The following LRRC55 variants were observed in gnomAD, a reference collection of about 807,000 sequenced individuals.
LRRC55 encodes leucine rich repeat containing 55, also known as leucine-rich repeat-containing protein 55.
Under a neutral mutation model 20.5 loss-of-function variants are expected in LRRC55, and 11 were observed. The ratio of observed to expected loss-of-function variants is 0.54; its 90% confidence interval spans 0.34 to 0.89. The LOEUF (loss-of-function observed/expected upper bound fraction) is 0.89. Among genes scored for constraint, LRRC55 ranks in the 40% least tolerant of loss-of-function variants. LRRC55 has a pLI of 0.02. For synonymous variants in LRRC55, 188 were observed against 166.6 expected (o/e 1.13, Z -0.99); for missense variants, 358 against 390.9 (o/e 0.92, Z 0.71).
rs1340124902 is a variant in LRRC55, at chr11:57,189,164, T to C, written c.*1684T>C. On this transcript the variant is annotated 3_prime_UTR_variant, in exon 2 of 2. Coordinates refer to ENST00000497933, the MANE Select transcript of LRRC55 (RefSeq NM_001005210.4). The stretch of plus-strand genomic sequence containing the variant: ...ACTTTTCACATCCCTGTGCAGGAGG[T>C]AAATCAAACATCAGTAATCCTGTTT... 6.6e-6 allele frequency: 1 copy of C among 152,182 alleles called. No individual in the cohort carries two copies. Among genetic ancestry groups the C allele is most frequent in the Non-Finnish European group, 1.5e-5 (1 of 68,030 alleles). 9.4% of individuals were successfully genotyped at this position (152,182 alleles called of 1,614,324 possible).
In LRRC55 at chr11:57,191,179, TG is replaced by T. The variant is rs1854505631; in HGVS notation, c.*3700del. Reference sequence around the variant, plus strand: ...TCCTAGAGGAATTCCCAGGGAACTTTGCAGAAATAGGTCTCCAGAGTTGCTA... The same window carrying T: ...TCCTAGAGGAATTCCCAGGGAACTTTCAGAAATAGGTCTCCAGAGTTGCTA... On this transcript the variant is annotated 3_prime_UTR_variant, in exon 2 of 2. Coordinates refer to ENST00000497933, the MANE Select transcript of LRRC55 (RefSeq NM_001005210.4). The T allele has an allele frequency of 6.6e-6, 1 of 152,298 alleles. No individual in the cohort carries two copies. Among genetic ancestry groups the T allele is most frequent in the East Asian group, 1.9e-4 (1 of 5,180 alleles). 9.4% of individuals were successfully genotyped at this position (152,298 alleles called of 1,614,324 possible).
Position 57,188,277 on chromosome 11 carries a change from G to A in LRRC55, c.*797G>A, listed in dbSNP as rs1378337210. 6.5e-6 allele frequency: 1 copy of A among 152,680 alleles called. No individual in the cohort carries two copies. Among genetic ancestry groups the A allele is most frequent in the East Asian group, 1.9e-4 (1 of 5,184 alleles). 9.5% of individuals were successfully genotyped at this position (152,680 alleles called of 1,614,324 possible). On this transcript the variant is annotated 3_prime_UTR_variant, in exon 2 of 2. Transcript: ENST00000497933. ...TCAGAAGAGAGAGGCAGGAGGCCCA[G>A]CAACTGGGGCAGCAAGAGTCCTGGC...
intron 1 of LRRC55, among the ~76,000 whole-genome samples, chr11:57,184,881 C>T (rs538845052): frequency 6.6e-6 from 1 of 152,312 alleles, no homozygotes; most frequent in South Asian, 2.1e-4. Context: ...CTCACTGTCT[C>T]ACCAGTACCC....
chr11:57,185,525 TCCACCC>T (rs1407748582), intron 1 of LRRC55, among the ~76,000 whole-genome samples: 1 of 44,902 alleles, frequency 2.2e-5, no homozygotes, highest in East Asian at 3.4e-4. Flanking sequence ...ATGATCCACC[TCCACCC>T]GCCTTGGCTT....
chr11:57,185,892 G>A (rs1246904696), intron 1 of LRRC55, among the ~76,000 whole-genome samples: 1 of 151,870 alleles, frequency 6.6e-6, no homozygotes, highest in Non-Finnish European at 1.5e-5. Flanking sequence ...ACCAGAAAAA[G>A]CAGCCCCCTC....
chr11:57,184,981 C>T (rs888574654), intron 1 of LRRC55, among the ~76,000 whole-genome samples: 4 of 152,202 alleles, frequency 2.6e-5, no homozygotes, highest in African/African-American at 9.6e-5. Flanking sequence ...GGATCCTGGC[C>T]TGGGCAGGAC....
At chr11:57,185,676 C>T (rs1169105323) in intron 1 of LRRC55, among the ~76,000 whole-genome samples, 2 of 152,034 alleles carry the variant, frequency 1.3e-5, no homozygotes, top group African/African-American at 4.8e-5. Flanking sequence ...AAGGTAAGAG[C>T]TTGATTAATA....
At chr11:57,186,819 A>C (rs1253029451) in intron 1 of LRRC55, among the ~76,000 whole-genome samples, 6 of 152,194 alleles carry the variant, frequency 3.9e-5, no homozygotes, top group Non-Finnish European at 7.3e-5. Flanking sequence ...GTTTAAGTAG[A>C]GAAGGTGTGG....
rs538373178 is a variant in LRRC55, at chr11:57,190,082, C to T, written c.*2602C>T. 2 of 152,182 alleles carry T rather than the reference C, an allele frequency of 1.3e-5. No individual in the cohort carries two copies. The highest frequency in any genetic ancestry group is 2.9e-5 in the Non-Finnish European group (2 of 68,046). The allele number at this position is 152,182 out of a possible 1,614,324, so 9.4% of individuals were successfully genotyped here. A position where few individuals can be genotyped will look rare whatever the true frequency, so the allele number is the denominator to read the frequency against. On this transcript the variant is annotated 3_prime_UTR_variant, in exon 2 of 2. Transcript: ENST00000497933. ...AGCAACCTAAATACTTGGAGAGGAACTTTTAGAAACTATAATCCTGACAAA... is the reference window on the plus strand; with the variant it reads ...AGCAACCTAAATACTTGGAGAGGAATTTTTAGAAACTATAATCCTGACAAA...
intron 1 of LRRC55, among the ~76,000 whole-genome samples, chr11:57,185,270 CTTTTTTTTTTTTTT>C (rs58800728): frequency 2.0e-4 from 18 of 89,436 alleles, no homozygotes; most frequent in African/African-American, 8.8e-4. Context: ...CTTTTCTTTT[CTTTTTTTTTTTTTT>C]TTTTTTTTTT....
rs142063267 is a variant in LRRC55, at chr11:57,188,013, C to G, written c.*533C>G. 1,267 of 160,780 alleles carry G rather than the reference C, an allele frequency of 7.9e-3. 20 individuals carry two copies. Among genetic ancestry groups the G allele is most frequent in the East Asian group, 0.05 (261 of 5,214 alleles). 10.0% of individuals were successfully genotyped at this position (160,780 alleles called of 1,614,324 possible). ...GGGTGTGGCACAGAACTCAAACCTA[C>G]CCCTCACCTCCTGACACCAAAACTG... On this transcript the variant is annotated 3_prime_UTR_variant, in exon 2 of 2. Transcript: ENST00000497933.
rs1281728539 is a variant in LRRC55, at chr11:57,182,030, A to C, written c.8A>C (p.Asp3Ala). 1.9e-6 allele frequency: 3 copies of C among 1,614,108 alleles called. No individual in the cohort carries two copies. The Admixed American group carries it at 5.0e-5, about 27-fold the overall frequency. The change falls in exon 1 of 2, where the codon GAC becomes GCC. Residue 3 changes from aspartate to alanine, a missense_variant. Transcript: ENST00000497933. ...TGTTGCCTGCTGCCTAAGATGGGTG[A>C]CACTTGGGCCCAGCTTCCCTGGCCC... MG[D>A]TWAQLPWPGP...
At chr11:57,185,800 C>T (rs558551227) in intron 1 of LRRC55, among the ~76,000 whole-genome samples, 2 of 152,040 alleles carry the variant, frequency 1.3e-5, no homozygotes, top group East Asian at 3.9e-4. Context: ...GAGATAAGAC[C>T]GTTGACAGCC....
intron 1 of LRRC55, among the ~76,000 whole-genome samples, chr11:57,185,270 C>CTTCT: frequency 1.1e-5 from 1 of 89,436 alleles, no homozygotes; most frequent in East Asian, 3.3e-4. Flanking sequence ...CTTTTCTTTT[C>CTTCT]TTTTTTTTTT....
Position 57,189,042 on chromosome 11 carries a change from G to A in LRRC55, c.*1562G>A, listed in dbSNP as rs2903267. 0.52 allele frequency: 79,229 copies of A among 151,976 alleles called. 21,721 individuals are homozygous for A. Among genetic ancestry groups the A allele is most frequent in the East Asian group, 0.75 (3,873 of 5,166 alleles). 9.4% of individuals were successfully genotyped at this position (151,976 alleles called of 1,614,324 possible). Reference sequence around the variant, plus strand: ...CGAGCAAAGCACAATTATCATCATCGTGGTCTTCTTCATCAGTTTCGTCAG... The same window carrying A: ...CGAGCAAAGCACAATTATCATCATCATGGTCTTCTTCATCAGTTTCGTCAG... On this transcript the variant is annotated 3_prime_UTR_variant, in exon 2 of 2. Coordinates refer to ENST00000497933, the MANE Select transcript of LRRC55 (RefSeq NM_001005210.4).
At chr11:57,182,769 G>C (rs1162426450) in intron 1 of LRRC55, 86 bp downstream of exon 1, 5 of 1,344,300 alleles carry the variant, frequency 3.7e-6, no homozygotes, top group Non-Finnish European at 4.9e-6. Flanking sequence ...GGGGAACTTA[G>C]AGCCAGAAAG....
rs753148171 is a variant in LRRC55, at chr11:57,190,126, G to C, written c.*2646G>C. On this transcript the variant is annotated 3_prime_UTR_variant, in exon 2 of 2. Transcript: ENST00000497933. ...TGACAAAATAGAAAAGTTTCCCATA[G>C]GGGCATACCATAATACTATAATAAC... 32 of 152,144 alleles carry C rather than the reference G, an allele frequency of 2.1e-4. 1 individual carries two copies. Among genetic ancestry groups the C allele is most frequent in the Admixed American group, 1.0e-3 (16 of 15,284 alleles). The allele number at this position is 152,144 out of a possible 1,614,324, so 9.4% of individuals were successfully genotyped here.
At chr11:57,184,444 G>A (rs533733546) in intron 1 of LRRC55, among the ~76,000 whole-genome samples, 45 of 152,182 alleles carry the variant, frequency 3.0e-4, no homozygotes, top group Non-Finnish European at 5.7e-4. Flanking sequence ...GCTCCAGAAG[G>A]GGACAGTGAC....
In LRRC55 at chr11:57,183,318, G is replaced by A. The variant is rs571513211; in HGVS notation, c.661+635G>A. ...ACAGAGCTGCAATAGCTTAAGTTGCGTGACAGCCAATATGTTCCAGGAGGA... is the reference window on the plus strand; with the variant it reads ...ACAGAGCTGCAATAGCTTAAGTTGCATGACAGCCAATATGTTCCAGGAGGA... On this transcript the variant is annotated intron_variant, in intron 1 of 1. Coordinates refer to ENST00000497933, the MANE Select transcript of LRRC55 (RefSeq NM_001005210.4). Among the ~76,000 whole-genome samples the A allele has an allele frequency of 5.9e-5, 9 of 152,272 alleles. No homozygotes were observed. In the South Asian group the frequency reaches 1.2e-3, roughly 21 times the overall value.
Sources: gnomAD v4.1 joint callset for allele counts (sites outside exome capture counted in the v4.1 genomes callset) on GRCh38, gnomAD v4.1.1 for gene constraint, MANE v1.5 for transcripts, NCBI Gene and HGNC (gene_info 2026-07-23, HGNC 2026-07-21) for gene names.